The following ANO3 variants were observed in gnomAD, a reference collection of about 807,000 sequenced individuals.
ANO3 encodes the protein anoctamin 3.
In ANO3, 99 loss-of-function variants were observed where a neutral mutation model predicts 144.8. That is an observed-to-expected ratio of 0.68 (90% confidence interval 0.58 to 0.81). The LOEUF is 0.81. ANO3 is among the 30% of genes least tolerant of loss of function. The pLI is 0.00. For missense variants in ANO3, 905 were observed against 1,202.2 expected (o/e 0.75, Z 3.66); for synonymous variants, 414 against 392.6 (o/e 1.05, Z -0.64).
chr11:26,301,755 T>C (rs1226114538), intron 1 of ANO3, among the ~76,000 whole-genome samples: 1 of 152,190 alleles, frequency 6.6e-6, no homozygotes, highest in Non-Finnish European at 1.5e-5. Flanking sequence ...TAAAATGTTT[T>C]ATTTCTTCCA....
intron 24 of ANO3, among the ~76,000 whole-genome samples, chr11:26,650,118 T>C (rs888820750): frequency 1.3e-5 from 2 of 152,186 alleles, no homozygotes; most frequent in East Asian, 3.9e-4. Context: ...TGTGGAGGGC[T>C]TATGTTACAG....
chr11:26,607,635 G>T (rs1565138894), intron 17 of ANO3, among the ~76,000 whole-genome samples: 3 of 152,142 alleles, frequency 2.0e-5, no homozygotes, highest in Non-Finnish European at 4.4e-5. Context: ...ATTATTGTGT[G>T]GGAGTCTACG....
chr11:26,590,574 C>T (rs1274447288), intron 14 of ANO3, among the ~76,000 whole-genome samples: 1 of 152,156 alleles, frequency 6.6e-6, no homozygotes, highest in East Asian at 1.9e-4. Context: ...AGGAATGGAA[C>T]CTTGGGCCCT....
chr11:26,612,794 T>C (rs1203471945), intron 17 of ANO3, among the ~76,000 whole-genome samples: 1 of 152,122 alleles, frequency 6.6e-6, no homozygotes, highest in Non-Finnish European at 1.5e-5. Flanking sequence ...AGATTTTTTT[T>C]TCCTTTCAGC....
At chr11:26,309,087 A>G (rs539182727), upstream of ANO3, among the ~76,000 whole-genome samples, 2 of 152,262 alleles carry the variant, frequency 1.3e-5, no homozygotes, top group African/African-American at 2.4e-5. Context: ...AATAGGAATG[A>G]TTGTTCCTAA....
intron 18 of ANO3, among the ~76,000 whole-genome samples, chr11:26,628,712 C>T (rs1306484290): frequency 1.3e-5 from 2 of 152,154 alleles, no homozygotes; most frequent in African/African-American, 4.8e-5. Context: ...AGGACAACAA[C>T]TTATTATTTT....
At chr11:26,305,685 A>T (rs917666286), upstream of ANO3, among the ~76,000 whole-genome samples, 2 of 152,174 alleles carry the variant, frequency 1.3e-5, no homozygotes, top group Admixed American at 6.5e-5. Flanking sequence ...TCATTAAATT[A>T]TATTTATTTT....
At chr11:26,289,531 T>C (rs932067708) in intron 1 of ANO3, among the ~76,000 whole-genome samples, 5 of 141,674 alleles carry the variant, frequency 3.5e-5, no homozygotes, top group African/African-American at 1.3e-4. Flanking sequence ...TATACATATA[T>C]AGAATATATA....
chr11:26,238,643 A>G (rs1018516698), intron 1 of ANO3, among the ~76,000 whole-genome samples: 2 of 152,142 alleles, frequency 1.3e-5, no homozygotes, highest in Non-Finnish European at 2.9e-5. Flanking sequence ...CCTTGAGTAG[A>G]TTATATTCTA....
At chr11:26,378,258 T>G (rs1188231702) in intron 1 of ANO3, among the ~76,000 whole-genome samples, 1 of 150,654 alleles carries the variant, frequency 6.6e-6, no homozygotes, top group African/African-American at 2.4e-5. Context: ...CTCACAGTAC[T>G]GAGGAAGTGG....
intron 10 of ANO3, among the ~76,000 whole-genome samples, chr11:26,541,214 A>G (rs1849634174): frequency 6.6e-6 from 1 of 152,060 alleles, no homozygotes; most frequent in African/African-American, 2.4e-5. Context: ...GAAACACCCC[A>G]TGTTCTCACT....
At chr11:26,487,104 T>A (rs1231476841) in intron 4 of ANO3, among the ~76,000 whole-genome samples, 2 of 152,194 alleles carry the variant, frequency 1.3e-5, no homozygotes, top group Admixed American at 6.5e-5. Flanking sequence ...AAACACCATT[T>A]GATATGGTTT....
chr11:26,198,828 C>T (rs374664472), intron 1 of ANO3, among the ~76,000 whole-genome samples: 11 of 152,290 alleles, frequency 7.2e-5, no homozygotes, highest in East Asian at 3.9e-4. Context: ...ACTGGCTTAT[C>T]GTTGAGCCAG....
At chr11:26,397,570 A>C (rs1405342677) in intron 1 of ANO3, among the ~76,000 whole-genome samples, 1 of 152,032 alleles carries the variant, frequency 6.6e-6, no homozygotes, top group Non-Finnish European at 1.5e-5. Flanking sequence ...ATTTTATTTA[A>C]TTGACACATA....
intron 1 of ANO3, among the ~76,000 whole-genome samples, chr11:26,313,594 G>A (rs1005520208): frequency 6.6e-6 from 1 of 151,980 alleles, no homozygotes; most frequent in Non-Finnish European, 1.5e-5. Context: ...GGCGGAGGCA[G>A]GAAAATTGCT....
At chr11:26,222,949 A>G (rs72872712) in intron 1 of ANO3, among the ~76,000 whole-genome samples, 45,871 of 151,808 alleles carry the variant, frequency 0.3, 7,634 homozygotes, top group Non-Finnish European at 0.37. Flanking sequence ...CTTTCTCATT[A>G]TCTTTGATAT....
chr11:26,579,908 G>A (rs973147585), intron 14 of ANO3, among the ~76,000 whole-genome samples: 9 of 152,178 alleles, frequency 5.9e-5, no homozygotes, highest in African/African-American at 2.2e-4. Flanking sequence ...GTATGAGGAT[G>A]TAATGAGTAG....
intron 4 of ANO3, among the ~76,000 whole-genome samples, chr11:26,476,629 T>C (rs1175157657): frequency 1.3e-5 from 2 of 151,922 alleles, no homozygotes; most frequent in African/African-American, 4.8e-5. Context: ...ATAAGATCAC[T>C]CTGCCCCTTT....
intron 1 of ANO3, among the ~76,000 whole-genome samples, chr11:26,219,636 G>C (rs1422730979): frequency 6.6e-6 from 1 of 152,148 alleles, no homozygotes; most frequent in African/African-American, 2.4e-5. Context: ...AAATCCAAGA[G>C]GAAGCCTAGA....
Sources: allele counts gnomAD v4.1 joint callset (sites outside exome capture counted in the v4.1 genomes callset), GRCh38; gene constraint gnomAD v4.1.1; transcripts MANE v1.5; gene names NCBI Gene and HGNC (gene_info 2026-07-23, HGNC 2026-07-21).